The following ZNF844 variants were observed in gnomAD, a reference collection of about 807,000 sequenced individuals.
ZNF844 encodes the protein zinc finger protein 844.
A neutral mutation model predicts 11.4 loss-of-function variants in ZNF844; 11 were observed. That is an observed-to-expected ratio of 0.97 (90% CI 0.61 to 1.60). ZNF844 has a LOEUF of 1.60. Ranked by LOEUF, ZNF844 falls within the 40% of genes most tolerant of loss-of-function variation. The pLI is 0.00. For missense variants in ZNF844, 790 were observed against 796.8 expected, an observed-to-expected ratio of 0.99 and a Z score of 0.10; for synonymous variants, 248 against 260.3, an observed-to-expected ratio of 0.95 and a Z score of 0.46.
At position 12,076,763 on chromosome 19, in the gene ZNF844, A is replaced by T; in HGVS notation, c.1643A>T (p.Lys548Ile). Residue 548 changes from lysine to isoleucine, a missense_variant, in exon 4 of 4, where the codon AAA becomes ATA. Around this residue, in one of 3 missense-constraint regions of ZNF844, gnomAD observed 657 missense variants for 636.2 expected, o/e 1.03. Coordinates refer to ENST00000439326, the MANE Select transcript of ZNF844 (RefSeq NM_001136501.3). ...KKPLDLSETF[K>I]FMKRHTLERN... is the part of the protein sequence containing the mutation. Reference sequence around the variant, plus strand: ...CCTTTGGATCTGTCAGAAACCTTCAAATTCATGAAAAGACACACCCTGGAG... The same window carrying T: ...CCTTTGGATCTGTCAGAAACCTTCATATTCATGAAAAGACACACCCTGGAG... 1 of 1,591,650 alleles carries T rather than the reference A, an allele frequency of 6.3e-7. No homozygotes were observed. Among genetic ancestry groups the T allele is most frequent in the Non-Finnish European group, 8.6e-7 (1 of 1,168,370 alleles).
At chr19:12,074,962 G>T (rs1192883314) in intron 3 of ZNF844, among the ~76,000 whole-genome samples, 1 of 152,114 alleles carries the variant, frequency 6.6e-6, no homozygotes, top group African/African-American at 2.4e-5. Context: ...AAAATAATAC[G>T]TATAGATAGG....
Position 12,075,390 on chromosome 19 carries a change from C to G in ZNF844, c.270C>G (p.Asp90Glu), listed in dbSNP as rs1243181099. 6.3e-7 allele frequency: 1 copy of G among 1,590,876 alleles called. No individual in the cohort carries two copies. The highest frequency in any genetic ancestry group is 1.3e-5 in the African/African-American group (1 of 74,126). Residue 90 changes from aspartate (D) to glutamate (E), a missense_variant, in exon 4 of 4, where the codon GAC becomes GAG. This residue lies in a region of ZNF844 where 129 missense variants were observed against 144.0 expected (regional missense o/e 0.90). Coordinates refer to ENST00000439326, the MANE Select transcript of ZNF844 (RefSeq NM_001136501.3). ...AAACTTCTAGCCAGATTCCAGATGACACACTGAACAAAAAAACTTCTCCTG... is the reference window on the plus strand; with the variant it reads ...AAACTTCTAGCCAGATTCCAGATGAGACACTGAACAAAAAAACTTCTCCTG... ...CGETSSQIPD[D>E]TLNKKTSPGV...
Position 12,077,628 on chromosome 19 carries a change from C to A in ZNF844, c.*507C>A, listed in dbSNP as rs949149452. The A allele has an allele frequency of 5.6e-5, 31 of 549,232 alleles. No homozygotes were observed. The highest frequency in any genetic ancestry group is 4.2e-4 in the South Asian group (30 of 70,772). 34.0% of individuals were successfully genotyped at this position (549,232 alleles called of 1,614,324 possible). On this transcript the variant is annotated 3_prime_UTR_variant, in exon 4 of 4. Transcript: ENST00000439326. ...TAGAAAGATTCACACTGGCGAGAAA[C>A]CCTATGAATGTAAGCAATGTGGGAA...
At position 12,075,389 on chromosome 19, in the gene ZNF844, A is replaced by G. The variant is rs2087247542; in HGVS notation, c.269A>G (p.Asp90Gly). The change falls in exon 4 of 4, where the codon GAC becomes GGC. Residue 90 changes from aspartate to glycine, a missense_variant. This residue lies in a region of ZNF844 where 129 missense variants were observed against 144.0 expected (regional missense o/e 0.90). Coordinates refer to ENST00000439326, the MANE Select transcript of ZNF844 (RefSeq NM_001136501.3). ...GAAACTTCTAGCCAGATTCCAGATGACACACTGAACAAAAAAACTTCTCCT... is the reference window on the plus strand; with the variant it reads ...GAAACTTCTAGCCAGATTCCAGATGGCACACTGAACAAAAAAACTTCTCCT... ...CGETSSQIPD[D>G]TLNKKTSPGV... 1 of 1,591,358 alleles carries G rather than the reference A, an allele frequency of 6.3e-7. No individual in the cohort carries two copies. The highest frequency in any genetic ancestry group is 2.3e-5 in the East Asian group (1 of 44,068).
chr19:12,077,773 CAATG>C lies in ZNF844; in HGVS notation c.*657_*660del. The C allele has an allele frequency of 2.8e-6, 1 of 354,008 alleles. No homozygotes were observed. Among genetic ancestry groups the C allele is most frequent in the Non-Finnish European group, 5.6e-6 (1 of 179,424 alleles). 21.9% of individuals were successfully genotyped at this position (354,008 alleles called of 1,614,324 possible). On this transcript the variant is annotated 3_prime_UTR_variant, in exon 4 of 4. Transcript: ENST00000439326. ...TTTGCTAAGAACCTTCAAATACAGA[CAATG>C]AATGTAAACAATTAAATGTTTATAG...
intron 1 of ZNF844, among the ~76,000 whole-genome samples, chr19:12,065,429 A>G (rs557476653): frequency 6.6e-5 from 10 of 152,156 alleles, no homozygotes; most frequent in South Asian, 6.2e-4. Context: ...ATCATGATCA[A>G]TGTGTACTAG....
chr19:12,066,504 C>T (rs1490334479), intron 1 of ZNF844, among the ~76,000 whole-genome samples: 2 of 140,202 alleles, frequency 1.4e-5, no homozygotes, highest in East Asian at 2.2e-4. Flanking sequence ...GAGCTATTAT[C>T]ATTTAAACTA....
chr19:12,070,105 A>G (rs1291963538), intron 1 of ZNF844: 3 of 151,372 alleles, frequency 2.0e-5, no homozygotes, highest in African/African-American at 7.3e-5. Flanking sequence ...CAAAAAGGAA[A>G]AAAAAAAAAA....
At position 12,075,865 on chromosome 19, in the gene ZNF844, G is replaced by A. The variant is rs1242349127; in HGVS notation, c.745G>A (p.Gly249Arg). ...TCAAATACATGAAAGAACTCACACT[G>A]GAGAGAAGCCTTATGAATGTAAGGA... ...SLQIHERTHT[G>R]EKPYECKECG... Residue 249 changes from glycine to arginine, a missense_variant, in exon 4 of 4, where the codon GGA becomes AGA. By Grantham distance (125) the Gly-to-Arg change is moderately radical. This residue lies in a region of ZNF844 where 657 missense variants were observed against 636.2 expected (regional missense o/e 1.03). Transcript: ENST00000439326. 11 of 1,611,578 alleles carry A rather than the reference G, an allele frequency of 6.8e-6. No homozygotes were observed. The highest frequency in any genetic ancestry group is 2.2e-5 in the East Asian group (1 of 44,748).
chr19:12,076,234 C>T lies in ZNF844; in HGVS notation c.1114C>T (p.Pro372Ser), dbSNP rs980796288. The change falls in exon 4 of 4, where the codon CCT becomes TCT. Residue 372 changes from proline (P) to serine (S), a missense_variant. This residue lies in a region of ZNF844 where 657 missense variants were observed against 636.2 expected (regional missense o/e 1.03). Coordinates refer to ENST00000439326, the MANE Select transcript of ZNF844 (RefSeq NM_001136501.3). ...TTATAAATGTAAGACTGTGGAAAAGCCTTTGATTCTCCCAGTTCGTTTTGA... is the reference window on the plus strand; with the variant it reads ...TTATAAATGTAAGACTGTGGAAAAGTCTTTGATTCTCCCAGTTCGTTTTGA... ...RPYKCKTVEKPLILPVRFEDM... is the reference protein window; with the variant it reads ...RPYKCKTVEKSLILPVRFEDM... 3 of 1,606,694 alleles carry T rather than the reference C, an allele frequency of 1.9e-6. No homozygotes were observed. Among genetic ancestry groups the T allele is most frequent in the Admixed American group, 3.4e-5 (2 of 58,306 alleles).
rs1342180639 is a variant in ZNF844 at position 12,077,487 on chromosome 19, G to T, written c.*366G>T. The T allele has an allele frequency of 3.3e-6, 2 of 606,616 alleles. No individual in the cohort carries two copies. The highest frequency in any genetic ancestry group is 6.3e-6 in the Non-Finnish European group (2 of 317,072). 37.6% of individuals were successfully genotyped at this position (606,616 alleles called of 1,614,324 possible). ...CTATGAATGTAAGCAGTGTGGGAAA[G>T]CCTTCATTTCTTCCGGTAGCCTTCG... On this transcript the variant is annotated 3_prime_UTR_variant, in exon 4 of 4. Coordinates refer to ENST00000439326, the MANE Select transcript of ZNF844 (RefSeq NM_001136501.3).
At chr19:12,068,721 G>T (rs988645279) in intron 1 of ZNF844, among the ~76,000 whole-genome samples, 7 of 152,214 alleles carry the variant, frequency 4.6e-5, no homozygotes, top group African/African-American at 7.2e-5. Flanking sequence ...TGTCTGAAAT[G>T]ATTAGATACT....
At chr19:12,073,398 C>G (rs947999902) in intron 1 of ZNF844, among the ~76,000 whole-genome samples, 1 of 152,084 alleles carries the variant, frequency 6.6e-6, no homozygotes, top group Non-Finnish European at 1.5e-5. Flanking sequence ...TCAAGCGATC[C>G]GCACGCCTCA....
At chr19:12,075,206 T>C (rs1252692164) in intron 3 of ZNF844, 106 bp from the exon 4 acceptor site, 1 of 825,870 alleles carries the variant, frequency 1.2e-6, no homozygotes, top group Admixed American at 4.4e-5. Context: ...AGTATATTAA[T>C]AATAAAATAA....
At position 12,074,016 on chromosome 19, in the gene ZNF844, T is replaced by C. The variant is rs751759652; in HGVS notation, c.4-15T>C. On this transcript the variant is annotated splice_polypyrimidine_tract_variant and intron_variant, in intron 1 of 3. Transcript: ENST00000439326. The stretch of plus-strand genomic sequence containing the variant: ...AGTCTCACCCATCCTCCTCTATACA[T>C]GTGGGATGTTTCAGGACTTGGTGGC... The C allele has an allele frequency of 8.1e-6, 13 of 1,609,682 alleles. No individual in the cohort carries two copies. Among genetic ancestry groups the C allele is most frequent in the Middle Eastern group, 3.3e-4 (2 of 6,066 alleles).
chr19:12,080,994 ATCCGTCTG>A lies in ZNF844; in HGVS notation c.*3876_*3883del, dbSNP rs1214081508. 10 of 152,200 alleles carry A rather than the reference ATCCGTCTG, an allele frequency of 6.6e-5. No individual in the cohort carries two copies. The highest frequency in any genetic ancestry group is 6.5e-4 in the Admixed American group (10 of 15,270). 9.4% of individuals were successfully genotyped at this position (152,200 alleles called of 1,614,324 possible). On this transcript the variant is annotated 3_prime_UTR_variant, in exon 4 of 4. Transcript: ENST00000439326. ...GGTCTTAAACTCCTGACCTCAAGTG[ATCCGTCTG>A]TCTTGGCCTTTCAAAATGCTGGGAT...
Position 12,079,087 on chromosome 19 carries a change from T to A in ZNF844, c.*1966T>A, listed in dbSNP as rs1400633264. On this transcript the variant is annotated 3_prime_UTR_variant, in exon 4 of 4. Transcript: ENST00000439326. ...TTCGTCTCGAACTCCTGACCTCAGG[T>A]GATCCACCTGCCTCAGCCTCCCAAA... The A allele has an allele frequency of 1.3e-5, 2 of 152,102 alleles. No homozygotes were observed. The highest frequency in any genetic ancestry group is 2.9e-5 in the Non-Finnish European group (2 of 68,060). 9.4% of individuals were successfully genotyped at this position (152,102 alleles called of 1,614,324 possible). A position where few individuals can be genotyped will look rare whatever the true frequency, so the allele number is the denominator to read the frequency against.
Position 12,076,495 on chromosome 19 carries a change from C to A in ZNF844, c.1375C>A (p.Leu459Met). The A allele has an allele frequency of 1.2e-6, 2 of 1,610,586 alleles. No individual in the cohort carries two copies. Among genetic ancestry groups the A allele is most frequent in the Non-Finnish European group, 1.7e-6 (2 of 1,178,610 alleles). Residue 459 changes from leucine (L) to methionine (M), a missense_variant, in exon 4 of 4, where the codon CTG becomes ATG. By Grantham distance (15) the Leu-to-Met change is conservative. Transcript: ENST00000439326. ...AAGCAATGTGGGAAAGCCTTCAGAT[C>A]TGCCTCACACCTTCAAATGCATGGA... ...SVSNVGKPSD[L>M]PHTFKCMEGL...
At position 12,080,607 on chromosome 19, in the gene ZNF844, G is replaced by A. The variant is rs1975886902; in HGVS notation, c.*3486G>A. 1 of 167,468 alleles carries A rather than the reference G, an allele frequency of 6.0e-6. No homozygotes were observed. Among genetic ancestry groups the A allele is most frequent in the East Asian group, 1.9e-4 (1 of 5,394 alleles). The allele number at this position is 167,468 out of a possible 1,614,324, so 10.4% of individuals were successfully genotyped here. On this transcript the variant is annotated 3_prime_UTR_variant, in exon 4 of 4. Transcript: ENST00000439326. The stretch of plus-strand genomic sequence containing the variant: ...TCCTCAAAATTTGCTCAGAGGTGTG[G>A]GCCTTTGGGTAAAGGTGTCTTCAGA...
Sources: allele counts gnomAD v4.1 joint callset (sites outside exome capture counted in the v4.1 genomes callset), GRCh38; gene constraint gnomAD v4.1.1; regional missense constraint gnomAD v4.1.1; transcripts MANE v1.5; gene names NCBI Gene and HGNC (gene_info 2026-07-23, HGNC 2026-07-21).